The following PXDN variants were observed in gnomAD, a reference collection of about 807,000 sequenced individuals.
PXDN encodes the protein peroxidasin homolog.
Under a neutral mutation model 140.3 loss-of-function variants are expected in PXDN, and 77 were observed. That is an observed-to-expected ratio of 0.55 (90% CI 0.46 to 0.66). The LOEUF (loss-of-function observed/expected upper bound fraction) is 0.66, where lower values mean the gene tolerates loss of function less well. Among genes scored for constraint, PXDN ranks in the 30% least tolerant of loss-of-function variants. The pLI is 0.00. For missense variants in PXDN, 1,838 were observed against 2,039.5 expected, an observed-to-expected ratio of 0.90 and a Z score of 1.90; for synonymous variants, 911 against 857.4, an observed-to-expected ratio of 1.06 and a Z score of -1.09.
At chr2:1,686,070 C>T (rs1684049006) in intron 4 of PXDN, among the ~76,000 whole-genome samples, 1 of 152,076 alleles carries the variant, frequency 6.6e-6, no homozygotes, top group African/African-American at 2.4e-5. Flanking sequence ...TTTTCAATAG[C>T]TCTGGGCTGT....
chr2:1,680,132 G>T (rs1473042273), intron 7 of PXDN, 61 bp downstream of exon 7: 3 of 1,470,186 alleles, frequency 2.0e-6, no homozygotes, highest in Admixed American at 2.0e-5. Flanking sequence ...GTGTGTGTGT[G>T]GATGGTGTGT....
intron 6 of PXDN, 113 bp downstream of exon 6, chr2:1,683,543 C>CTTTTCTG: frequency 1.1e-6 from 1 of 930,038 alleles, no homozygotes; most frequent in Non-Finnish European, 1.6e-6. Flanking sequence ...CTCATTCTTT[C>CTTTTCTG]AGAATCAGAT....
Position 1,676,960 on chromosome 2 carries a change from T to C in PXDN, c.815A>G (p.Asn272Ser). 6.2e-7 allele frequency: 1 copy of C among 1,612,882 alleles called. No individual in the cohort carries two copies. The highest frequency in any genetic ancestry group is 8.5e-7 in the Non-Finnish European group (1 of 1,179,566). The stretch of plus-strand genomic sequence containing the variant: ...CAGCCAGATGATCTCAGGCTTGGGG[T>C]TGCCTTCGGCTCTGCAGGTGAAGTA... ...TVYFTCRAEG[N>S]PKPEIIWLRN... Residue 272 changes from asparagine (N) to serine (S), a missense_variant, in exon 8 of 23, where the codon AAC (asparagine) becomes AGC (serine). By Grantham distance (46) the Asn-to-Ser change is conservative (BLOSUM62 1). Around this residue, in one of 5 missense-constraint regions of PXDN, gnomAD observed 208 missense variants for 325.8 expected, o/e 0.64. Coordinates refer to ENST00000252804, the MANE Select transcript of PXDN (RefSeq NM_012293.3).
intron 4 of PXDN, 77 bp from the exon 5 acceptor site, chr2:1,684,228 C>G (rs1172561000): frequency 7.9e-7 from 1 of 1,265,256 alleles, no homozygotes; most frequent in African/African-American, 1.5e-5. Context: ...AAATTTTTTT[C>G]CTAGTCATTT....
At chr2:1,672,533 T>C (rs181675808) in intron 9 of PXDN, among the ~76,000 whole-genome samples, 17 of 152,248 alleles carry the variant, frequency 1.1e-4, no homozygotes, top group Non-Finnish European at 1.8e-4. Flanking sequence ...CACAGCATTC[T>C]GAATTTGGAA....
intron 1 of PXDN, among the ~76,000 whole-genome samples, chr2:1,742,003 G>A (rs1013496785): frequency 6.6e-6 from 1 of 152,048 alleles, no homozygotes; most frequent in South Asian, 2.1e-4. Flanking sequence ...ACTCACTAGC[G>A]CTCGCTCATG....
intron 1 of PXDN, among the ~76,000 whole-genome samples, chr2:1,732,304 G>A (rs1685330364): frequency 6.6e-6 from 1 of 152,164 alleles, no homozygotes; most frequent in African/African-American, 2.4e-5. Context: ...GATAGGGAGA[G>A]AAAAGGCCCA....
rs1235189294 is a variant in PXDN at position 1,651,591 on chromosome 2, C to T, written c.2105-1916G>A. On this transcript the variant is annotated intron_variant, in intron 16 of 22. Coordinates refer to ENST00000252804, the MANE Select transcript of PXDN (RefSeq NM_012293.3). This position sits in a 1 kb window ranked among gnomAD's most constrained non-coding sequence, Gnocchi z 4.4. ...TATCAGCCCTTCCTCACCCCCTTTC[C>T]AGCCACAGTGACCACCTGCTGTTCC... is the stretch of plus-strand genomic sequence containing the variant. Among the ~76,000 whole-genome samples, 1 of 152,206 alleles carries T rather than the reference C, an allele frequency of 6.6e-6. No individual in the cohort carries two copies. The highest frequency in any genetic ancestry group is 1.5e-5 in the Non-Finnish European group (1 of 68,034).
intron 1 of PXDN, among the ~76,000 whole-genome samples, chr2:1,740,029 C>T (rs1685504341): frequency 6.6e-6 from 1 of 152,246 alleles, no homozygotes; most frequent in Non-Finnish European, 1.5e-5. Context: ...AGGCCCCAGG[C>T]TCCCACTCAC....
intron 7 of PXDN, among the ~76,000 whole-genome samples, chr2:1,678,209 G>A (rs1572151469): frequency 6.6e-6 from 1 of 151,984 alleles, no homozygotes; most frequent in Admixed American, 6.6e-5. Context: ...GGCCTTACCC[G>A]GCCTCCCTGC....
intron 8 of PXDN, among the ~76,000 whole-genome samples, chr2:1,675,391 G>A (rs1253912832): frequency 1.3e-5 from 2 of 152,186 alleles, no homozygotes; most frequent in East Asian, 3.8e-4. Context: ...GTGATGGACT[G>A]GGGCCAAATT....
chr2:1,634,422 G>T lies in PXDN; in HGVS notation c.4321-99C>A, dbSNP rs1034144986. 6 of 1,433,396 alleles carry T rather than the reference G, an allele frequency of 4.2e-6. No homozygotes were observed. The Admixed American group carries it at 1.3e-4, about 32-fold the overall frequency. 88.8% of individuals were successfully genotyped at this position (1,433,396 alleles called of 1,614,324 possible). A position where few individuals can be genotyped will look rare whatever the true frequency, so the allele number is the denominator to read the frequency against. ...GGACAGGTGTCAGCCACGGCCATGA[G>T]TCAGGCCTTGCCCTGAGGCCCCTGC... On this transcript the variant is annotated intron_variant, in intron 22 of 22. Coordinates refer to ENST00000252804, the MANE Select transcript of PXDN (RefSeq NM_012293.3).
At chr2:1,708,505 A>G (rs1167768117) in intron 1 of PXDN, among the ~76,000 whole-genome samples, 1 of 152,126 alleles carries the variant, frequency 6.6e-6, no homozygotes, top group Non-Finnish European at 1.5e-5. Context: ...AAGAAGCCCA[A>G]GTGATTCTCA....
chr2:1,664,015 G>A, intron 11 of PXDN: 3 of 482,790 alleles, frequency 6.2e-6, no homozygotes, highest in East Asian at 3.5e-5. Context: ...TACACAGGGG[G>A]CCAGGAGGAC....
chr2:1,701,246 A>G lies in PXDN; in HGVS notation c.201-8112T>C, dbSNP rs900189245. 3.3e-5 allele frequency among the ~76,000 whole-genome samples: 5 copies of G among 152,376 alleles called. No homozygotes were observed. The East Asian group carries it at 9.7e-4, about 29-fold the overall frequency. On this transcript the variant is annotated intron_variant, in intron 1 of 22. Coordinates refer to ENST00000252804, the MANE Select transcript of PXDN (RefSeq NM_012293.3). ...TCAGAGCTTGTGTTCCGAGAGTCAC[A>G]GATGGCAGTGCTTTACCACAGGGGT...
At chr2:1,710,032 C>G (rs1684714989) in intron 1 of PXDN, among the ~76,000 whole-genome samples, 1 of 152,330 alleles carries the variant, frequency 6.6e-6, no homozygotes, top group South Asian at 2.1e-4. Flanking sequence ...TTCCCGCCAC[C>G]CAGCCCACCA....
intron 22 of PXDN, 40 bp from the exon 23 acceptor site, chr2:1,634,363 A>G: frequency 6.5e-7 from 1 of 1,544,800 alleles, no homozygotes. Flanking sequence ...CAGCTCTGGG[A>G]TGGCCTTCAG....
intron 22 of PXDN, among the ~76,000 whole-genome samples, chr2:1,634,961 T>C (rs1682510917): frequency 6.6e-6 from 1 of 150,442 alleles, no homozygotes. Context: ...TTGCAGGGAC[T>C]CCAGTGACCT....
chr2:1,655,273 TTA>T (rs1045191116), intron 14 of PXDN, among the ~76,000 whole-genome samples: 1 of 147,406 alleles, frequency 6.8e-6, no homozygotes, highest in Non-Finnish European at 1.5e-5. Context: ...ACACAGAACA[TTA>T]TATAGAGACA....
Sources: allele counts gnomAD v4.1 joint callset (sites outside exome capture counted in the v4.1 genomes callset), GRCh38; gene constraint gnomAD v4.1.1; regional missense constraint gnomAD v4.1.1; non-coding constraint Gnocchi (gnomAD v3.1); transcripts MANE v1.5; gene names NCBI Gene and HGNC (gene_info 2026-07-23, HGNC 2026-07-21).